P2RY8: variants seen among roughly 807,000 people sequenced by gnomAD.
P2RY8 encodes the protein S-geranylgeranyl-glutathione receptor P2RY8.
Under a neutral mutation model 10.0 loss-of-function variants are expected in P2RY8, and 6 were observed. The ratio of observed to expected loss-of-function variants is 0.60; its 90% CI spans 0.33 to 1.19. The LOEUF is 1.19. Among genes scored for constraint, P2RY8 ranks in the 50% most tolerant of loss-of-function variants. The pLI is 0.04. For missense variants in P2RY8, 456 were observed against 542.0 expected (o/e 0.84, Z 1.58); for synonymous variants, 276 against 252.5 (o/e 1.09, Z -0.88).
At chrX:1,482,160 G>GT (rs1218871576) in intron 1 of P2RY8, among the ~76,000 whole-genome samples, 20 of 147,072 alleles carry the variant, frequency 1.4e-4, no homozygotes, top group African/African-American at 4.7e-4. Flanking sequence ...TTGTGTGTGT[G>GT]GTGTGTGTGT....
At chrX:1,503,294 G>C (rs1470051386) in intron 1 of P2RY8, among the ~76,000 whole-genome samples, 1 of 152,188 alleles carries the variant, frequency 6.6e-6, no homozygotes, top group African/African-American at 2.4e-5. Flanking sequence ...GGAACTGTAA[G>C]AAAGTAAATT....
intron 1 of P2RY8, among the ~76,000 whole-genome samples, chrX:1,518,066 G>A (rs1230471291): frequency 4.0e-5 from 6 of 150,334 alleles, no homozygotes; most frequent in East Asian, 2.0e-4. Context: ...CCGAGATTTT[G>A]TCACTGCACT....
chrX:1,474,250 G>A (rs1440859059), intron 1 of P2RY8, among the ~76,000 whole-genome samples: 1 of 151,466 alleles, frequency 6.6e-6, no homozygotes, highest in African/African-American at 2.4e-5. Context: ...GGGAGGATGG[G>A]TGAGTGGATG....
chrX:1,509,374 TTCTA>T (rs779648095), intron 1 of P2RY8, among the ~76,000 whole-genome samples: 31,250 of 130,510 alleles, frequency 0.24, 2,001 homozygotes, highest in Non-Finnish European at 0.29. Flanking sequence ...CATCCATCTA[TTCTA>T]TCTATCTATC....
chrX:1,532,307 CAT>C (rs1232981318), intron 1 of P2RY8, among the ~76,000 whole-genome samples: 1 of 32,694 alleles, frequency 3.1e-5, no homozygotes, highest in East Asian at 1.7e-3. Context: ...ATATGTGTGC[CAT>C]ATATATACAC....
intron 1 of P2RY8, among the ~76,000 whole-genome samples, chrX:1,517,466 C>T: frequency 6.6e-6 from 1 of 152,292 alleles, no homozygotes. Flanking sequence ...GCCTTGTGGG[C>T]AGTCCCCAGT....
intron 1 of P2RY8, among the ~76,000 whole-genome samples, chrX:1,470,017 CA>C (rs1456439974): frequency 6.6e-6 from 1 of 152,136 alleles, no homozygotes; most frequent in Non-Finnish European, 1.5e-5. Flanking sequence ...CACAGATGTG[CA>C]AACAACACCA....
chrX:1,466,829 C>T (rs2091687701), intron 1 of P2RY8, among the ~76,000 whole-genome samples: 1 of 148,122 alleles, frequency 6.8e-6, no homozygotes, highest in Non-Finnish European at 1.5e-5. Context: ...CCCCTTTCTT[C>T]TTCCTTCCTC....
chrX:1,468,758 C>CT (rs1491429723), intron 1 of P2RY8, among the ~76,000 whole-genome samples: 2 of 440 alleles, frequency 4.5e-3, no homozygotes, highest in African/African-American at 0.026. Context: ...TCTCCCCTCT[C>CT]CCCTCTCCCC....
rs761721071 is a variant in P2RY8, at chrX:1,478,247, G to A, written c.-24-11665C>T. ...AAAATGAAAAATGGTGCTGGCAGGC[G>A]TATGTGTGTGTGTGTGTGTGTGTGT... On this transcript the variant is annotated intron_variant, in intron 1 of 1. Transcript: ENST00000381297. Among the ~76,000 whole-genome samples the A allele has an allele frequency of 5.9e-5, 6 of 101,606 alleles. No homozygotes were observed. In the East Asian group the frequency reaches 1.2e-3, roughly 20 times the overall value. 66.7% of individuals were successfully genotyped at this position (101,606 alleles called of 152,430 possible).
chrX:1,523,085 A>ATAAG (rs1466320554), intron 1 of P2RY8, among the ~76,000 whole-genome samples: 1 of 145,290 alleles, frequency 6.9e-6, no homozygotes, highest in Admixed American at 6.8e-5. Flanking sequence ...CCAAAAATAA[A>ATAAG]TAAATAAATA....
chrX:1,465,126 CG>C lies in P2RY8; in HGVS notation c.*352del, dbSNP rs1168185060. The C allele has an allele frequency of 5.3e-6, 2 of 377,004 alleles. No individual in the cohort carries two copies. The highest frequency in any genetic ancestry group is 9.6e-6 in the Non-Finnish European group (2 of 208,082). 23.4% of individuals were successfully genotyped at this position (377,004 alleles called of 1,614,324 possible). On this transcript the variant is annotated 3_prime_UTR_variant, in exon 2 of 2. Coordinates refer to ENST00000381297, the MANE Select transcript of P2RY8 (RefSeq NM_178129.5). ...AGGTGTGAGGAGTGTCTAAGGAGCTCGGGGGTGACAGCCCAGCTCTACTAAA... is the reference window on the plus strand; with the variant it reads ...AGGTGTGAGGAGTGTCTAAGGAGCTCGGGGTGACAGCCCAGCTCTACTAAA...
At chrX:1,468,146 C>G (rs1308253389) in intron 1 of P2RY8, among the ~76,000 whole-genome samples, 1 of 152,136 alleles carries the variant, frequency 6.6e-6, no homozygotes, top group Non-Finnish European at 1.5e-5. Flanking sequence ...CTATGTTGCC[C>G]AGGCTGGTCT....
intron 1 of P2RY8, among the ~76,000 whole-genome samples, chrX:1,480,235 G>C (rs1488346912): frequency 3.9e-5 from 6 of 152,200 alleles, no homozygotes; most frequent in African/African-American, 7.2e-5. Context: ...TGAAGGGTGA[G>C]AGGTTTCAAC....
intron 1 of P2RY8, among the ~76,000 whole-genome samples, chrX:1,501,181 G>A (rs190724357): frequency 6.6e-6 from 1 of 152,334 alleles, no homozygotes; most frequent in African/African-American, 2.4e-5. Context: ...CTTGGAAGGA[G>A]GTGGCTGTGT....
intron 1 of P2RY8, among the ~76,000 whole-genome samples, chrX:1,504,315 C>CAA (rs10657765): frequency 0.54 from 79,867 of 147,048 alleles, 23,089 homozygotes; most frequent in Non-Finnish European, 0.66. Flanking sequence ...GACTCTGTGT[C>CAA]AAAAAAAAAA....
chrX:1,512,405 G>T (rs1244154510), intron 1 of P2RY8, among the ~76,000 whole-genome samples: 6 of 152,024 alleles, frequency 3.9e-5, no homozygotes, highest in Non-Finnish European at 5.9e-5. Flanking sequence ...AAATTAGCCA[G>T]GCGTGGTGGT....
At chrX:1,480,543 G>A (rs2033942161) in intron 1 of P2RY8, among the ~76,000 whole-genome samples, 1 of 151,974 alleles carries the variant, frequency 6.6e-6, no homozygotes, top group Non-Finnish European at 1.5e-5. Context: ...GAAGCTGGAA[G>A]CCATCATTCT....
intron 1 of P2RY8, among the ~76,000 whole-genome samples, chrX:1,468,314 C>G (rs1189666119): frequency 2.6e-5 from 4 of 152,314 alleles, no homozygotes; most frequent in Admixed American, 1.3e-4. Context: ...GTTGAAAGTC[C>G]TACGGTGGCG....
Sources: allele counts gnomAD v4.1 joint callset (sites outside exome capture counted in the v4.1 genomes callset), GRCh38; gene constraint gnomAD v4.1.1; transcripts MANE v1.5; gene names NCBI Gene and HGNC (gene_info 2026-07-23, HGNC 2026-07-21).